The following DENND5A variants were observed in gnomAD, a reference collection of about 807,000 sequenced individuals.
DENND5A encodes DENN domain containing 5A, also known as DENN domain-containing protein 5A.
Under a neutral mutation model 140.3 loss-of-function variants are expected in DENND5A, and 64 were observed. The ratio of observed to expected loss-of-function variants is 0.46; its 90% CI spans 0.37 to 0.56. The LOEUF is 0.56. Among genes scored for constraint, DENND5A ranks in the 20% least tolerant of loss-of-function variants. DENND5A has a pLI of 0.00. For synonymous variants in DENND5A, 605 were observed against 607.7 expected (o/e 1.00, Z 0.07); for missense variants, 1,292 against 1,593.8 (o/e 0.81, Z 3.22).
chr11:9,161,123 G>A (rs764210707), intron 11 of DENND5A, among the ~76,000 whole-genome samples: 8 of 152,154 alleles, frequency 5.3e-5, no homozygotes, highest in Non-Finnish European at 7.4e-5. Context: ...CTAGTTGGGC[G>A]GATCACAAGG....
intron 5 of DENND5A, among the ~76,000 whole-genome samples, chr11:9,190,283 A>T (rs1849071385): frequency 6.6e-6 from 1 of 152,126 alleles, no homozygotes; most frequent in African/African-American, 2.4e-5. Flanking sequence ...ATAAAATGTG[A>T]GGGCATAAGA....
intron 3 of DENND5A, 127 bp from the exon 4 acceptor site, chr11:9,204,444 C>G (rs1849629221): frequency 1.2e-6 from 1 of 858,894 alleles, no homozygotes; most frequent in Admixed American, 2.8e-5. Context: ...TTAAAGCTCT[C>G]TCTTTCTAAT....
chr11:9,242,329 T>C (rs1173984294), intron 1 of DENND5A: 1 of 152,194 alleles, frequency 6.6e-6, no homozygotes. Context: ...AGACAATCAC[T>C]GATTGCAAGA....
chr11:9,177,891 T>C, intron 8 of DENND5A: 1 of 423,564 alleles, frequency 2.4e-6, no homozygotes, highest in East Asian at 3.9e-5. Flanking sequence ...ACCCCCTATT[T>C]GTTTAACCCA....
chr11:9,250,208 C>CT (rs1182493858), intron 1 of DENND5A, among the ~76,000 whole-genome samples: 1 of 151,328 alleles, frequency 6.6e-6, no homozygotes, highest in South Asian at 2.1e-4. Flanking sequence ...AGATGCAAAT[C>CT]TTTTTTTTCC....
intron 1 of DENND5A, among the ~76,000 whole-genome samples, chr11:9,264,302 T>G (rs1852344350): frequency 6.6e-6 from 1 of 152,132 alleles, no homozygotes; most frequent in Non-Finnish European, 1.5e-5. Context: ...GCTACCCTTT[T>G]ATTCACAAAC....
intron 1 of DENND5A, among the ~76,000 whole-genome samples, chr11:9,263,423 T>C (rs1367041024): frequency 1.3e-5 from 2 of 151,232 alleles, no homozygotes; most frequent in Admixed American, 6.6e-5. Flanking sequence ...GGTTTCACCA[T>C]GTTGGCCAAA....
intron 1 of DENND5A, among the ~76,000 whole-genome samples, chr11:9,235,948 AT>A (rs1023769700): frequency 3.3e-5 from 5 of 152,144 alleles, no homozygotes; most frequent in African/African-American, 1.2e-4. Context: ...TGAATTACAC[AT>A]TTTTAAACGG....
At position 9,233,360 on chromosome 11, in the gene DENND5A, T is replaced by C. The variant is rs376395899; in HGVS notation, c.110-25728A>G. Among the ~76,000 whole-genome samples the C allele has an allele frequency of 1.4e-4, 21 of 149,294 alleles. No homozygotes were observed. In the South Asian group the frequency reaches 2.1e-3, roughly 15 times the overall value. ...GTTGGAGTGAGCTGAGATCGCGCCA[T>C]TGCACTCTAGCCTGGGCGACAGAGC... On this transcript the variant is annotated intron_variant, in intron 1 of 22. Coordinates refer to ENST00000328194, the MANE Select transcript of DENND5A (RefSeq NM_015213.4).
intron 21 of DENND5A, among the ~76,000 whole-genome samples, chr11:9,142,436 T>C (rs1342844800): frequency 6.6e-6 from 1 of 152,230 alleles, no homozygotes; most frequent in Non-Finnish European, 1.5e-5. Flanking sequence ...AACTGGACTT[T>C]GGGATCTATA....
At chr11:9,166,081 CTTTTTCTTTTTTTTTT>C in intron 10 of DENND5A, 114 bp from the exon 11 acceptor site, 1 of 984,462 alleles carries the variant, frequency 1.0e-6, no homozygotes, top group African/African-American at 1.7e-5. Context: ...CTTTTTTTTT[CTTTTTCTTTTTTTTTT>C]TGAGACGAAT....
chr11:9,250,852 G>A (rs1186659832), intron 1 of DENND5A, among the ~76,000 whole-genome samples: 2 of 152,060 alleles, frequency 1.3e-5, no homozygotes, highest in Non-Finnish European at 1.5e-5. Flanking sequence ...AAGGACTTCC[G>A]GCCGGGTGCG....
intron 1 of DENND5A, among the ~76,000 whole-genome samples, chr11:9,260,759 G>T (rs1181722151): frequency 6.6e-6 from 1 of 152,176 alleles, no homozygotes. Context: ...AGAAGTGACA[G>T]GAAGAGATTC....
intron 1 of DENND5A, among the ~76,000 whole-genome samples, chr11:9,254,975 G>T (rs1328609400): frequency 6.6e-6 from 1 of 152,038 alleles, no homozygotes; most frequent in Non-Finnish European, 1.5e-5. Flanking sequence ...GGAGGCTGAG[G>T]CATGAGAATC....
chr11:9,204,752 A>G (rs777148110), intron 3 of DENND5A, among the ~76,000 whole-genome samples: 17 of 152,176 alleles, frequency 1.1e-4, no homozygotes, highest in Non-Finnish European at 1.9e-4. Context: ...AATCCCAGCC[A>G]CTGGGGAGGC....
In DENND5A at chr11:9,150,122, G is replaced by A. The variant is rs1431360729; in HGVS notation, c.2694C>T (p.Ser898=). The A allele has an allele frequency of 6.2e-7, 1 of 1,613,906 alleles. No homozygotes were observed. Among genetic ancestry groups the A allele is most frequent in the Middle Eastern group, 1.7e-4 (1 of 6,050 alleles). ...VRLSMEKKLL[S]RHLKQLLSDH... ...CTGAGAGGAGCTGCTTCAGGTGTCT[G>A]GAAAGTAACTTTTTTTCCATGGACA... The change falls in exon 15 of 23, where the codon TCC becomes TCT. Residue 898 remains serine, a synonymous_variant. Coordinates refer to ENST00000328194, the MANE Select transcript of DENND5A (RefSeq NM_015213.4).
At chr11:9,151,511 GT>G (rs1847615126) in intron 13 of DENND5A, among the ~76,000 whole-genome samples, 1 of 152,152 alleles carries the variant, frequency 6.6e-6, no homozygotes, top group Non-Finnish European at 1.5e-5. Context: ...CCCAGGTTCA[GT>G]GCTAGTTAAG....
chr11:9,263,698 C>T (rs1237081152), intron 1 of DENND5A, among the ~76,000 whole-genome samples: 2 of 146,922 alleles, frequency 1.4e-5, no homozygotes, highest in African/African-American at 4.9e-5. Context: ...AAAAATTAGC[C>T]GGGCGCGGTG....
At chr11:9,181,459 C>A (rs1008749316) in intron 5 of DENND5A, among the ~76,000 whole-genome samples, 1 of 152,108 alleles carries the variant, frequency 6.6e-6, no homozygotes, top group Non-Finnish European at 1.5e-5. Flanking sequence ...AAAGGCCAGG[C>A]GCAGTGGCTC....
Sources: allele counts gnomAD v4.1 joint callset (sites outside exome capture counted in the v4.1 genomes callset), GRCh38; gene constraint gnomAD v4.1.1; transcripts MANE v1.5; gene names NCBI Gene and HGNC (gene_info 2026-07-23, HGNC 2026-07-21).